The following DTNBP1 variants were observed in gnomAD, a reference collection of about 807,000 sequenced individuals.
The protein encoded by DTNBP1 is dystrobrevin binding protein 1.
Under a neutral mutation model 42.8 loss-of-function variants are expected in DTNBP1, and 35 were observed. The observed-to-expected ratio is 0.82, with a 90% CI of 0.63 to 1.09. The LOEUF (loss-of-function observed/expected upper bound fraction) is 1.09. Among genes scored for constraint, DTNBP1 ranks in the 50% least tolerant of loss-of-function variants. The pLI, the probability that DTNBP1 is intolerant of heterozygous loss-of-function variation, is 0.00. For missense variants in DTNBP1, 457 were observed against 424.2 expected (o/e 1.08, Z -0.68); for synonymous variants, 171 against 162.2 (o/e 1.05, Z -0.41).
chr6:15,546,548 C>T (rs9476842), intron 7 of DTNBP1, among the ~76,000 whole-genome samples: 23,561 of 152,084 alleles, frequency 0.15, 2,711 homozygotes, highest in African/African-American at 0.32. Context: ...TAATTATTAA[C>T]AAAAACCTGA....
chr6:15,539,523 G>A (rs1172633932), intron 7 of DTNBP1, among the ~76,000 whole-genome samples: 6 of 152,214 alleles, frequency 3.9e-5, no homozygotes, highest in African/African-American at 1.4e-4. Flanking sequence ...CCACGCCTGT[G>A]TGGCTGTTTT....
At chr6:15,523,267 G>A (rs1772044261) in intron 9 of DTNBP1, 48 bp from the exon 10 acceptor site, 11 of 1,611,294 alleles carry the variant, frequency 6.8e-6, no homozygotes, top group Non-Finnish European at 8.5e-6. Context: ...AAAATATTGT[G>A]AATCAGAATT....
At chr6:15,612,398 G>A (rs548674823) in intron 6 of DTNBP1, among the ~76,000 whole-genome samples, 4 of 152,168 alleles carry the variant, frequency 2.6e-5, no homozygotes, top group African/African-American at 9.6e-5. Flanking sequence ...AGAATGCAGT[G>A]GACTGGAACA....
intron 7 of DTNBP1, among the ~76,000 whole-genome samples, chr6:15,555,595 A>G (rs1774467299): frequency 6.6e-6 from 1 of 152,192 alleles, no homozygotes; most frequent in African/African-American, 2.4e-5. Context: ...ATGCTAAAAG[A>G]TACTCCCACC....
At chr6:15,529,305 G>A (rs1323678219) in intron 8 of DTNBP1, among the ~76,000 whole-genome samples, 1 of 151,934 alleles carries the variant, frequency 6.6e-6, no homozygotes, top group African/African-American at 2.4e-5. Context: ...AGTCCATGCC[G>A]GCATTGTTTT....
rs183628532 is a variant in DTNBP1, at chr6:15,632,107, T to C, written c.223-4632A>G. On this transcript the variant is annotated intron_variant, in intron 4 of 9. Transcript: ENST00000344537. ...CTTCTGCAATATGCCTGCTGATATC[T>C]TTTACTCACTTTTCTCCTAGGTTAT... is the stretch of plus-strand genomic sequence containing the variant. 7.2e-5 allele frequency among the ~76,000 whole-genome samples: 11 copies of C among 152,322 alleles called. No individual in the cohort carries two copies. The East Asian group carries it at 1.5e-3, about 21-fold the overall frequency.
chr6:15,597,588 T>A (rs997678656), intron 6 of DTNBP1, among the ~76,000 whole-genome samples: 1 of 152,220 alleles, frequency 6.6e-6, no homozygotes, highest in East Asian at 1.9e-4. Flanking sequence ...CAGTGATCTC[T>A]CCTTTATCAA....
intron 7 of DTNBP1, among the ~76,000 whole-genome samples, chr6:15,551,466 C>A (rs1308689113): frequency 6.6e-6 from 1 of 152,166 alleles, no homozygotes; most frequent in Non-Finnish European, 1.5e-5. Context: ...GAAGGACACA[C>A]AGCCAACACC....
intron 8 of DTNBP1, among the ~76,000 whole-genome samples, chr6:15,525,492 C>T (rs571108136): frequency 9.8e-5 from 15 of 152,322 alleles, no homozygotes; most frequent in African/African-American, 2.9e-4. Context: ...TGAGCCACTC[C>T]GAGTGAAGGG....
intron 7 of DTNBP1, among the ~76,000 whole-genome samples, chr6:15,563,998 T>C (rs528116671): frequency 3.7e-4 from 56 of 150,278 alleles, no homozygotes; most frequent in African/African-American, 1.4e-3. Flanking sequence ...CACTTGAACT[T>C]GGGAGGTGGA....
intron 3 of DTNBP1, among the ~76,000 whole-genome samples, chr6:15,650,098 G>C (rs1453565216): frequency 6.6e-6 from 1 of 152,058 alleles, no homozygotes; most frequent in Non-Finnish European, 1.5e-5. Flanking sequence ...GAAACCTAAT[G>C]AAGAACTAGA....
intron 7 of DTNBP1, chr6:15,585,741 G>A (rs1298272268): frequency 6.5e-6 from 10 of 1,535,144 alleles, no homozygotes; most frequent in Admixed American, 2.0e-5. Flanking sequence ...GACTATTTTC[G>A]GTGAGTCCTG....
intron 6 of DTNBP1, among the ~76,000 whole-genome samples, chr6:15,594,037 G>A (rs1024700703): frequency 6.6e-6 from 1 of 152,176 alleles, no homozygotes; most frequent in Non-Finnish European, 1.5e-5. Context: ...TAATGTTCTT[G>A]CAACAGCCAA....
chr6:15,535,862 C>T (rs573862400), intron 7 of DTNBP1, among the ~76,000 whole-genome samples: 46 of 152,286 alleles, frequency 3.0e-4, no homozygotes, highest in Middle Eastern at 3.4e-3. Flanking sequence ...ACAATGAAGT[C>T]CAGACTGAGG....
chr6:15,647,794 G>T (rs1194122998), intron 3 of DTNBP1, among the ~76,000 whole-genome samples: 1 of 151,816 alleles, frequency 6.6e-6, no homozygotes, highest in East Asian at 1.9e-4. Context: ...AAATACCCTG[G>T]ACTTGATTGC....
At chr6:15,554,414 A>G (rs1158266329) in intron 7 of DTNBP1, among the ~76,000 whole-genome samples, 2 of 152,098 alleles carry the variant, frequency 1.3e-5, no homozygotes, top group African/African-American at 4.8e-5. Flanking sequence ...CTTTTGTTAT[A>G]GGGGTCTTAA....
chr6:15,660,655 T>C, intron 1 of DTNBP1: 1 of 789,044 alleles, frequency 1.3e-6, no homozygotes, highest in Non-Finnish European at 1.8e-6. Flanking sequence ...CCCTTTGGCA[T>C]GTCTCTCCTT....
At chr6:15,551,890 G>A (rs1329849508) in intron 7 of DTNBP1, among the ~76,000 whole-genome samples, 2 of 152,182 alleles carry the variant, frequency 1.3e-5, no homozygotes, top group Non-Finnish European at 2.9e-5. Flanking sequence ...CTGCTTGATC[G>A]CAAAGCCACA....
At chr6:15,614,130 T>C (rs1033011340) in intron 6 of DTNBP1, among the ~76,000 whole-genome samples, 1 of 152,164 alleles carries the variant, frequency 6.6e-6, no homozygotes, top group African/African-American at 2.4e-5. Flanking sequence ...GAACTTGTGT[T>C]CTAAAATACT....
Sources: gnomAD v4.1 joint callset for allele counts (sites outside exome capture counted in the v4.1 genomes callset) on GRCh38, gnomAD v4.1.1 for gene constraint, MANE v1.5 for transcripts, NCBI Gene and HGNC (gene_info 2026-07-23, HGNC 2026-07-21) for gene names.